Variants in IMMP2L observed in about 807,000 individuals in gnomAD.
IMMP2L encodes inner mitochondrial membrane peptidase subunit 2.
Under a neutral mutation model 19.3 loss-of-function variants are expected in IMMP2L, and 18 were observed. That is an observed-to-expected ratio of 0.93 (90% CI 0.64 to 1.38). The LOEUF is 1.38. Ranked by LOEUF, IMMP2L falls within the 40% of genes most tolerant of loss-of-function variation. The pLI, the probability that IMMP2L is intolerant of heterozygous loss-of-function variation, is 0.00. For missense variants in IMMP2L, 233 were observed against 218.2 expected, an observed-to-expected ratio of 1.07 and a Z score of -0.43; for synonymous variants, 76 against 73.0, an observed-to-expected ratio of 1.04 and a Z score of -0.21.
chr7:111,036,002 G>A (rs1791308687), intron 3 of IMMP2L, among the ~76,000 whole-genome samples: 1 of 152,142 alleles, frequency 6.6e-6, no homozygotes, highest in African/African-American at 2.4e-5. Flanking sequence ...TGAATGCAAT[G>A]TGCTTAAAAC....
chr7:111,271,859 G>C (rs1287048911), intron 3 of IMMP2L, among the ~76,000 whole-genome samples: 2 of 152,080 alleles, frequency 1.3e-5, no homozygotes, highest in African/African-American at 4.8e-5. Context: ...TTCAAGCTTA[G>C]AAGTCATTCT....
At chr7:111,231,024 C>CTCTG (rs140864800) in intron 3 of IMMP2L, among the ~76,000 whole-genome samples, 23 of 147,092 alleles carry the variant, frequency 1.6e-4, no homozygotes, top group African/African-American at 5.5e-4. Context: ...TAAGTAGTGG[C>CTCTG]TGTGTGTGTG....
chr7:111,444,295 T>C (rs1180623114), intron 3 of IMMP2L, among the ~76,000 whole-genome samples: 1 of 152,188 alleles, frequency 6.6e-6, no homozygotes, highest in African/African-American at 2.4e-5. Context: ...TGTATATGTA[T>C]ATGCACACAC....
chr7:110,862,376 G>A (rs1807534298), intron 5 of IMMP2L, among the ~76,000 whole-genome samples: 1 of 151,546 alleles, frequency 6.6e-6, no homozygotes, highest in Non-Finnish European at 1.5e-5. Context: ...GTCATGCTCT[G>A]TCACCCAGGC....
intron 3 of IMMP2L, among the ~76,000 whole-genome samples, chr7:111,176,851 C>G (rs573709429): frequency 1.8e-3 from 278 of 152,080 alleles, no homozygotes; most frequent in Non-Finnish European, 3.1e-3. Flanking sequence ...CCTATAGCTT[C>G]TCAATGATCT....
intron 5 of IMMP2L, among the ~76,000 whole-genome samples, chr7:110,703,311 T>A (rs913349276): frequency 6.6e-6 from 1 of 152,166 alleles, no homozygotes; most frequent in Non-Finnish European, 1.5e-5. Context: ...TCCTTTTTTT[T>A]AATGTATTGT....
chr7:111,547,002 C>T (rs565506450), intron 1 of IMMP2L, among the ~76,000 whole-genome samples: 10 of 152,156 alleles, frequency 6.6e-5, no homozygotes, highest in Admixed American at 1.3e-4. Flanking sequence ...GCTGAAGAGG[C>T]AAGCAGAGCC....
intron 2 of IMMP2L, among the ~76,000 whole-genome samples, chr7:111,511,892 C>T (rs983124785): frequency 5.3e-5 from 8 of 152,110 alleles, no homozygotes; most frequent in African/African-American, 1.4e-4. Context: ...TTCACTTCCC[C>T]GTATCAGGTG....
chr7:110,929,869 A>G (rs763729059), intron 4 of IMMP2L, among the ~76,000 whole-genome samples: 1 of 152,070 alleles, frequency 6.6e-6, no homozygotes, highest in Non-Finnish European at 1.5e-5. Flanking sequence ...ATGTCATGAA[A>G]TGATTGAGTT....
At chr7:110,846,252 G>GT (rs986214169) in intron 5 of IMMP2L, among the ~76,000 whole-genome samples, 1 of 151,836 alleles carries the variant, frequency 6.6e-6, no homozygotes, top group African/African-American at 2.4e-5. Context: ...CTTGGCCAAG[G>GT]TAACATGGGT....
chr7:111,107,657 A>G lies in IMMP2L; in HGVS notation c.240-144092T>C, dbSNP rs1798697832. 2.0e-5 allele frequency among the ~76,000 whole-genome samples: 3 copies of G among 152,136 alleles called. No individual in the cohort carries two copies. The South Asian group carries it at 6.2e-4, about 31-fold the overall frequency. Reference sequence around the variant, plus strand: ...GGCACTAGTAAAGTAATAATCTCAAATATGAAATACAATAGATGCGTTTCA... The same window carrying G: ...GGCACTAGTAAAGTAATAATCTCAAGTATGAAATACAATAGATGCGTTTCA... On this transcript the variant is annotated intron_variant, in intron 3 of 5. Transcript: ENST00000405709.
At chr7:111,095,276 T>A (rs1230276514) in intron 3 of IMMP2L, among the ~76,000 whole-genome samples, 3 of 151,992 alleles carry the variant, frequency 2.0e-5, no homozygotes. Flanking sequence ...TATAATGTAA[T>A]ACATTATACT....
At chr7:111,168,452 G>C (rs1376817106) in intron 3 of IMMP2L, among the ~76,000 whole-genome samples, 1 of 151,776 alleles carries the variant, frequency 6.6e-6, no homozygotes, top group African/African-American at 2.4e-5. Flanking sequence ...GTTGAGAGTA[G>C]GTCAGTGCAT....
At chr7:111,149,014 G>GC (rs1338686404) in intron 3 of IMMP2L, among the ~76,000 whole-genome samples, 2 of 152,022 alleles carry the variant, frequency 1.3e-5, no homozygotes, top group African/African-American at 4.8e-5. Flanking sequence ...AGACAGGCTG[G>GC]CTCCAGAGTC....
intron 1 of IMMP2L, among the ~76,000 whole-genome samples, chr7:111,530,171 T>A (rs1367350297): frequency 1.3e-5 from 2 of 152,160 alleles, no homozygotes; most frequent in Admixed American, 1.3e-4. Context: ...AAATTTTTCA[T>A]CTGTGAAACC....
At chr7:111,129,716 A>G (rs1193902269) in intron 3 of IMMP2L, among the ~76,000 whole-genome samples, 1 of 152,084 alleles carries the variant, frequency 6.6e-6, no homozygotes, top group African/African-American at 2.4e-5. Context: ...AATAGTGACT[A>G]CTTTTATCTG....
At chr7:110,991,528 A>G (rs1822455033) in intron 3 of IMMP2L, among the ~76,000 whole-genome samples, 1 of 152,062 alleles carries the variant, frequency 6.6e-6, no homozygotes. Context: ...CCCTCATTTC[A>G]GGCCTTTTCT....
intron 5 of IMMP2L, among the ~76,000 whole-genome samples, chr7:110,832,091 G>A (rs919978473): frequency 4.6e-5 from 7 of 152,150 alleles, no homozygotes; most frequent in East Asian, 3.9e-4. Context: ...GTGAAACCTC[G>A]TCTCTACTAA....
intron 3 of IMMP2L, among the ~76,000 whole-genome samples, chr7:111,273,192 G>A (rs1003936972): frequency 6.6e-6 from 1 of 151,850 alleles, no homozygotes; most frequent in Admixed American, 6.6e-5. Context: ...CAGGGGAATC[G>A]CTTGTACCCA....
Sources: allele counts gnomAD v4.1 joint callset (sites outside exome capture counted in the v4.1 genomes callset), GRCh38; gene constraint gnomAD v4.1.1; transcripts MANE v1.5; gene names NCBI Gene and HGNC (gene_info 2026-07-23, HGNC 2026-07-21).